Variants in EVA1B observed in about 807,000 individuals in gnomAD.
The protein encoded by EVA1B is protein eva-1 homolog B.
In EVA1B, 2 loss-of-function variants were observed where a neutral mutation model predicts 4.6. The ratio of observed to expected loss-of-function variants is 0.43; its 90% CI spans 0.18 to 1.37. The LOEUF is 1.37. Among genes scored for constraint, EVA1B ranks in the 40% most tolerant of loss-of-function variants. The pLI, the probability that EVA1B is intolerant of heterozygous loss-of-function variation, is 0.28. For synonymous variants in EVA1B, 124 were observed against 115.8 expected, an observed-to-expected ratio of 1.07 and a Z score of -0.46; for missense variants, 263 against 240.4, an observed-to-expected ratio of 1.09 and a Z score of -0.62.
rs1000297447 is a variant in EVA1B at position 36,322,118 on chromosome 1, C to G, written c.*177G>C. On this transcript the variant is annotated 3_prime_UTR_variant, in exon 3 of 3. Coordinates refer to ENST00000490466, the MANE Select transcript of EVA1B (RefSeq NM_001304762.2). ...GTGGGGACCCTGCATGCTGCCCCCT[C>G]CCCGCCCCCGGGGTCTTCTGGCAGG... The G allele has an allele frequency of 3.7e-5, 50 of 1,353,906 alleles. No individual in the cohort carries two copies. Among genetic ancestry groups the G allele is most frequent in the Non-Finnish European group, 4.6e-5 (48 of 1,050,904 alleles). 83.9% of individuals were successfully genotyped at this position (1,353,906 alleles called of 1,614,324 possible). A position where few individuals can be genotyped will look rare whatever the true frequency, so the allele number is the denominator to read the frequency against.
Position 36,322,466 on chromosome 1 carries a change from G to A in EVA1B, c.327C>T (p.Asn109=), listed in dbSNP as rs1460971256. ...ELSAEPDGPL[N]VNVFTSAEEL... is the part of the protein sequence containing the mutation. ...CCTCCGCCGACGTGAAGACGTTGAC[G>A]TTGAGGGGCCCGTCCGGCTCTGCGG... Residue 109 remains asparagine (N), a synonymous_variant, in exon 3 of 3, where the codon AAC becomes AAT. Transcript: ENST00000490466. 1.9e-6 allele frequency: 3 copies of A among 1,604,698 alleles called. No homozygotes were observed. The highest frequency in any genetic ancestry group is 2.7e-5 in the African/African-American group (2 of 74,812).
Position 36,322,248 on chromosome 1 carries a change from G to C in EVA1B, c.*47C>G. 2.1e-6 allele frequency: 3 copies of C among 1,448,180 alleles called. No individual in the cohort carries two copies. The highest frequency in any genetic ancestry group is 2.6e-5 in the East Asian group (1 of 38,874). The allele number at this position is 1,448,180 out of a possible 1,614,324, so 89.7% of individuals were successfully genotyped here. A position where few individuals can be genotyped will look rare whatever the true frequency, so the allele number is the denominator to read the frequency against. On this transcript the variant is annotated 3_prime_UTR_variant, in exon 3 of 3. Transcript: ENST00000490466. ...AGGTGTGGGGTAGCTCTGAGCTCAT[G>C]TGCAGGTCCGGTACCCCGAGCGCCT...
Position 36,322,972 on chromosome 1 carries a change from G to A in EVA1B, c.66C>T (p.Arg22=). Residue 22 remains arginine, a splice_region_variant and synonymous_variant, in exon 2 of 3, where the codon CGC becomes CGT. Coordinates refer to ENST00000490466, the MANE Select transcript of EVA1B (RefSeq NM_001304762.2). ...SNSLAAYAHI[R]ANPESFGLYF... is the part of the protein sequence containing the mutation. ...CAGTCTTCCGGCGCCCGCCCTCACC[G>A]CGGATGTGCGCGTAGGCAGCCAGGC... 2 of 1,605,920 alleles carry A rather than the reference G, an allele frequency of 1.2e-6. No individual in the cohort carries two copies. Among genetic ancestry groups the A allele is most frequent in the East Asian group, 2.2e-5 (1 of 44,768 alleles).
intron 1 of EVA1B, 52 bp from the exon 2 acceptor site, chr1:36,323,119 C>A: frequency 6.8e-7 from 1 of 1,470,700 alleles, no homozygotes; most frequent in Admixed American, 2.4e-5. Flanking sequence ...CCCACCCCGA[C>A]CCCTTCCGCG....
upstream of EVA1B, chr1:36,323,844 G>T (rs1228814924): frequency 2.0e-5 from 3 of 152,250 alleles, no homozygotes; most frequent in Non-Finnish European, 2.9e-5. Context: ...CTGGAGCTCT[G>T]CCTGCGTGCG....
Position 36,322,559 on chromosome 1 carries a change from G to A in EVA1B, c.234C>T (p.Asp78=), listed in dbSNP as rs565642335. Residue 78 remains aspartate (D), a synonymous_variant, in exon 3 of 3, where the codon GAC becomes GAT. Transcript: ENST00000490466. ...TCACCGTGTCCTCCTCGTCCTCGTC[G>A]TCGTCCTCGGGCTCCAGGGTGCTGC... is the stretch of plus-strand genomic sequence containing the variant. ...PRSSTLEPED[D]DEDEEDTVTR... The A allele has an allele frequency of 5.5e-4, 874 of 1,588,850 alleles. 6 individuals are homozygous for A. In the South Asian group the frequency reaches 7.5e-3, roughly 14 times the overall value.
At chr1:36,322,936 G>A in intron 2 of EVA1B, 35 bp downstream of exon 2, 1 of 1,605,860 alleles carries the variant, frequency 6.2e-7, no homozygotes, top group Non-Finnish European at 8.5e-7. Context: ...TCAGGGAAGG[G>A]TTCAGGCCCC....
Position 36,322,499 on chromosome 1 carries a change from G to A in EVA1B, c.294C>T (p.Pro98=). The change falls in exon 3 of 3, where the codon CCC becomes CCT. Residue 98 remains proline (P), a synonymous_variant. Transcript: ENST00000490466. The stretch of plus-strand genomic sequence containing the variant: ...GCCCGTCCGGCTCTGCGGACAGCTC[G>A]GGGCCCGGCAGCGTGTCGTCGGGGC... ...RLGPDDTLPG[P]ELSAEPDGPL... 2.5e-6 allele frequency: 4 copies of A among 1,602,828 alleles called. No individual in the cohort carries two copies. Among genetic ancestry groups the A allele is most frequent in the Middle Eastern group, 1.7e-4 (1 of 5,840 alleles).
In EVA1B at chr1:36,322,505, C is replaced by A; in HGVS notation, c.288G>T (p.Pro96=). ...CCGGCTCTGCGGACAGCTCGGGGCC[C>A]GGCAGCGTGTCGTCGGGGCCCAGCC... ...VTRLGPDDTL[P]GPELSAEPDG... The change falls in exon 3 of 3, where the codon CCG becomes CCT. Residue 96 remains proline, a synonymous_variant. Transcript: ENST00000490466. 1.9e-6 allele frequency: 3 copies of A among 1,602,158 alleles called. No individual in the cohort carries two copies. The highest frequency in any genetic ancestry group is 2.2e-5 in the South Asian group (2 of 90,822).
At chr1:36,324,048 C>T (rs527957597), upstream of EVA1B, 4 of 152,276 alleles carry the variant, frequency 2.6e-5, no homozygotes, top group African/African-American at 9.7e-5. Context: ...CACCGCTCCC[C>T]CTCCTAGGAG....
rs1483548153 is a variant in EVA1B at position 36,322,651 on chromosome 1, C to T, written c.142G>A (p.Val48Ile). 2 of 1,546,476 alleles carry T rather than the reference C, an allele frequency of 1.3e-6. No homozygotes were observed. The highest frequency in any genetic ancestry group is 1.4e-5 in the African/African-American group (1 of 72,908). The stretch of plus-strand genomic sequence containing the variant: ...CGGGGCGCCCACGAGATGCTGATGA[C>T]GAGCAGGCAGAGGGTGAGCAGCAGG... Reference protein sequence around the residue: ...FGLLLTLCLLVISISWAPRPR... With the variant: ...FGLLLTLCLLIISISWAPRPR... The change falls in exon 3 of 3, where the codon GTC becomes ATC. Residue 48 changes from valine (V) to isoleucine (I), a missense_variant. Coordinates refer to ENST00000490466, the MANE Select transcript of EVA1B (RefSeq NM_001304762.2).
In EVA1B at chr1:36,322,311, C is replaced by A. The variant is rs1372583716; in HGVS notation, c.482G>T (p.Arg161Leu). ...CGGGGCCCATCAGTAATAGTGCATG[C>A]GGCCCAGGGTGCCCGTGGCCGTGGG... ...PSPTATGTLG[R>L]MHYY The change falls in exon 3 of 3, where the codon CGC (arginine) becomes CTC (leucine). Residue 161 changes from arginine to leucine, a missense_variant. Coordinates refer to ENST00000490466, the MANE Select transcript of EVA1B (RefSeq NM_001304762.2). 26 of 1,542,402 alleles carry A rather than the reference C, an allele frequency of 1.7e-5. No homozygotes were observed. Among genetic ancestry groups the A allele is most frequent in the Non-Finnish European group, 2.3e-5 (26 of 1,153,552 alleles).
rs769697190 is a variant in EVA1B at position 36,322,488 on chromosome 1, G to A, written c.305C>T (p.Ala102Val). The part of the protein sequence containing the change: ...DDTLPGPELS[A>V]EPDGPLNVNV... Reference sequence around the variant, plus strand: ...GACGTTGAGGGGCCCGTCCGGCTCTGCGGACAGCTCGGGGCCCGGCAGCGT... The same window carrying A: ...GACGTTGAGGGGCCCGTCCGGCTCTACGGACAGCTCGGGGCCCGGCAGCGT... The change falls in exon 3 of 3, where the codon GCA becomes GTA. Residue 102 changes from alanine to valine, a missense_variant. Physicochemically the swap from Ala to Val is moderately conservative, Grantham distance 64. Coordinates refer to ENST00000490466, the MANE Select transcript of EVA1B (RefSeq NM_001304762.2). 1.2e-6 allele frequency: 2 copies of A among 1,603,934 alleles called. No homozygotes were observed. Among genetic ancestry groups the A allele is most frequent in the Admixed American group, 1.7e-5 (1 of 59,920 alleles).
intron 2 of EVA1B, 113 bp downstream of exon 2, chr1:36,322,858 G>T: frequency 6.6e-7 from 1 of 1,513,202 alleles, no homozygotes; most frequent in Non-Finnish European, 9.1e-7. Flanking sequence ...GGAACCGCCA[G>T]CGGGCAAGAG....
chr1:36,323,018 TC>T lies in EVA1B; in HGVS notation c.19del (p.Asp7ThrfsTer80). The T allele has an allele frequency of 6.9e-6, 11 of 1,599,838 alleles. No individual in the cohort carries two copies. The highest frequency in any genetic ancestry group is 8.5e-6 in the Non-Finnish European group (10 of 1,176,026). On this transcript the variant is annotated frameshift_variant, in exon 2 of 3. Transcript: ENST00000490466. LOFTEE classifies it low-confidence loss of function (END_TRUNC). Reference sequence around the variant, plus strand: ...CAGGCTGTTGCTGAGCAACTCCATGTCCCTTCGCGGGGCATCCATGCTGCTC... The same window carrying T: ...CAGGCTGTTGCTGAGCAACTCCATGTCCTTCGCGGGGCATCCATGCTGCTC... Reference protein sequence around the residue: MDAPRRDMELLSNSLAA... With the variant: MDAPRRXMELLSNSLAA...
Position 36,322,270 on chromosome 1 carries a change from G to A in EVA1B, c.*25C>T. ...CATGTGCAGGTCCGGTACCCCGAGC[G>A]CCTTGCAGCGGGAGCCGGGGCCCAT... On this transcript the variant is annotated 3_prime_UTR_variant, in exon 3 of 3. Coordinates refer to ENST00000490466, the MANE Select transcript of EVA1B (RefSeq NM_001304762.2). 2 of 1,473,870 alleles carry A rather than the reference G, an allele frequency of 1.4e-6. No homozygotes were observed. The highest frequency in any genetic ancestry group is 1.8e-6 in the Non-Finnish European group (2 of 1,117,934). 91.3% of individuals were successfully genotyped at this position (1,473,870 alleles called of 1,614,324 possible).
intron 2 of EVA1B, 50 bp from the exon 3 acceptor site, chr1:36,322,775 T>C: frequency 2.0e-6 from 3 of 1,525,244 alleles, no homozygotes; most frequent in Non-Finnish European, 2.7e-6. Context: ...GGGTGGGGGT[T>C]GTCCCACTTC....
chr1:36,322,665 G>A lies in EVA1B; in HGVS notation c.128C>T (p.Thr43Ile). The change falls in exon 3 of 3, where the codon ACC becomes ATC. Residue 43 changes from threonine (T) to isoleucine (I), a missense_variant. Transcript: ENST00000490466. ...VLGVCFGLLL[T>I]LCLLVISISW... Reference sequence around the variant, plus strand: ...GATGCTGATGACGAGCAGGCAGAGGGTGAGCAGCAGGCCGAAGCAGACGCC... The same window carrying A: ...GATGCTGATGACGAGCAGGCAGAGGATGAGCAGCAGGCCGAAGCAGACGCC... 1 of 1,547,266 alleles carries A rather than the reference G, an allele frequency of 6.5e-7. No individual in the cohort carries two copies. Among genetic ancestry groups the A allele is most frequent in the South Asian group, 1.2e-5 (1 of 84,044 alleles).
chr1:36,323,925 AT>A (rs1364498928), upstream of EVA1B: 2 of 152,252 alleles, frequency 1.3e-5, no homozygotes, highest in Non-Finnish European at 2.9e-5. Context: ...TGATACCATT[AT>A]CCCCACTTCG....
Sources: gnomAD v4.1 joint callset for allele counts on GRCh38, gnomAD v4.1.1 for gene constraint, MANE v1.5 for transcripts, NCBI Gene and HGNC (gene_info 2026-07-23, HGNC 2026-07-21) for gene names.